SGCZ: variants seen among roughly 807,000 people sequenced by gnomAD.
SGCZ encodes the protein sarcoglycan zeta, also known as zeta-sarcoglycan.
A neutral mutation model predicts 41.3 loss-of-function variants in SGCZ; 40 were observed. That is an observed-to-expected ratio of 0.97 (90% CI 0.75 to 1.26). SGCZ has a LOEUF of 1.26. SGCZ is among the 50% of genes most tolerant of loss of function. The probability of loss-of-function intolerance (pLI) is 0.00; values close to 1 mark genes in which losing one functional copy is unlikely to be tolerated. For synonymous variants in SGCZ, 206 were observed against 137.5 expected (o/e 1.50, Z -3.49); for missense variants, 552 against 369.8 (o/e 1.49, Z -4.04).
rs987996267 is a variant in SGCZ, at chr8:15,171,332, G to A, written c.39+66253C>T. Among the ~76,000 whole-genome samples, 13 of 152,288 alleles carry A rather than the reference G, an allele frequency of 8.5e-5. No individual in the cohort carries two copies. In the East Asian group the frequency reaches 2.3e-3, roughly 27 times the overall value. On this transcript the variant is annotated intron_variant, in intron 1 of 7. Coordinates refer to ENST00000382080, the MANE Select transcript of SGCZ (RefSeq NM_139167.4). ...GAGTTACTCAACCCTAGAAAAAAGT[G>A]TCTCATGCTTGAGTAGCTGGAAACA...
At chr8:14,763,655 G>A (rs556396086) in intron 1 of SGCZ, among the ~76,000 whole-genome samples, 5 of 152,232 alleles carry the variant, frequency 3.3e-5, no homozygotes, top group East Asian at 1.9e-4. Flanking sequence ...TGAGCCCCTG[G>A]AGATATGATA....
chr8:14,544,447 C>T (rs1013330369), intron 2 of SGCZ, among the ~76,000 whole-genome samples: 7 of 151,982 alleles, frequency 4.6e-5, no homozygotes, highest in Non-Finnish European at 8.8e-5. Context: ...GAAAAACAGC[C>T]GTATTTTCCT....
chr8:14,132,108 G>A (rs1803059388), intron 5 of SGCZ, among the ~76,000 whole-genome samples: 1 of 151,932 alleles, frequency 6.6e-6, no homozygotes. Context: ...TGTCCCAGAG[G>A]TCCCTTAGCC....
At chr8:15,093,343 A>G (rs1319291313) in intron 1 of SGCZ, among the ~76,000 whole-genome samples, 1 of 152,220 alleles carries the variant, frequency 6.6e-6, no homozygotes, top group African/African-American at 2.4e-5. Flanking sequence ...TTCTAGCTCA[A>G]AACAGTACTA....
intron 1 of SGCZ, among the ~76,000 whole-genome samples, chr8:14,601,232 T>C (rs1031037136): frequency 5.9e-5 from 9 of 152,068 alleles, no homozygotes; most frequent in African/African-American, 2.2e-4. Context: ...TCATAATGTA[T>C]ACATTCAATA....
In SGCZ at chr8:14,465,395, T is replaced by G. The variant is rs1345869080; in HGVS notation, c.234+89337A>C. 1.3e-5 allele frequency among the ~76,000 whole-genome samples: 2 copies of G among 151,746 alleles called. 1 individual carries two copies. Among genetic ancestry groups the G allele is most frequent in the Non-Finnish European group, 3.0e-5 (2 of 67,726 alleles). On this transcript the variant is annotated intron_variant, in intron 2 of 7. Coordinates refer to ENST00000382080, the MANE Select transcript of SGCZ (RefSeq NM_139167.4). The stretch of plus-strand genomic sequence containing the variant: ...TTAACTATCCGTGGTATTATTTGCA[T>G]GGAATATTATTTTCCACCTTTCACT...
chr8:14,566,205 G>A (rs1041783505), intron 1 of SGCZ, among the ~76,000 whole-genome samples: 1 of 152,200 alleles, frequency 6.6e-6, no homozygotes, highest in African/African-American at 2.4e-5. Context: ...AGAGAAAGCA[G>A]TTGGACTAAT....
intron 1 of SGCZ, among the ~76,000 whole-genome samples, chr8:14,884,117 T>G (rs1804699137): frequency 6.6e-6 from 1 of 152,144 alleles, no homozygotes; most frequent in Non-Finnish European, 1.5e-5. Flanking sequence ...TTCAAAGACT[T>G]TGGAAAGAGA....
At chr8:14,807,788 A>G (rs568053964) in intron 1 of SGCZ, among the ~76,000 whole-genome samples, 15 of 152,314 alleles carry the variant, frequency 9.8e-5, no homozygotes, top group Admixed American at 1.3e-4. Context: ...TCCTAAGCCA[A>G]AAGAACAAAG....
intron 2 of SGCZ, among the ~76,000 whole-genome samples, chr8:14,385,622 A>G (rs7463769): frequency 0.5 from 75,816 of 151,796 alleles, 19,832 homozygotes; most frequent in African/African-American, 0.66. Context: ...ATAATAGTCC[A>G]TGGGGTCTTG....
At chr8:14,240,327 C>CA (rs59351247) in intron 3 of SGCZ, among the ~76,000 whole-genome samples, 50 of 115,226 alleles carry the variant, frequency 4.3e-4, no homozygotes, top group African/African-American at 8.1e-4. Flanking sequence ...AACTCTGTGT[C>CA]AAAAAAAAAA....
intron 1 of SGCZ, among the ~76,000 whole-genome samples, chr8:14,890,251 AAAGGAAAAGGAAGGAAAGG>A (rs1804963702): frequency 6.6e-6 from 1 of 151,910 alleles, no homozygotes; most frequent in Non-Finnish European, 1.5e-5. Context: ...AGAAAGAGAG[AAAGGAAAAGGAAGGAAAGG>A]AAGGAAAGAA....
At chr8:14,678,644 A>G (rs2117532801) in intron 1 of SGCZ, among the ~76,000 whole-genome samples, 1 of 152,376 alleles carries the variant, frequency 6.6e-6, no homozygotes, top group Non-Finnish European at 1.5e-5. Context: ...CTACAAAACT[A>G]TATAAATGCT....
chr8:14,315,998 T>C (rs1801703534), intron 3 of SGCZ, among the ~76,000 whole-genome samples: 1 of 151,934 alleles, frequency 6.6e-6, no homozygotes. Context: ...CGAGTTCTGT[T>C]GATTTAGAAT....
intron 1 of SGCZ, among the ~76,000 whole-genome samples, chr8:15,094,519 TG>T (rs1806265397): frequency 6.6e-6 from 1 of 152,138 alleles, no homozygotes; most frequent in African/African-American, 2.4e-5. Flanking sequence ...ATTCATGTGA[TG>T]AGAGCAGAAA....
intron 2 of SGCZ, among the ~76,000 whole-genome samples, chr8:14,337,203 G>T (rs1802535007): frequency 6.6e-6 from 1 of 152,104 alleles, no homozygotes; most frequent in African/African-American, 2.4e-5. Context: ...CCACAAAAAA[G>T]TCTGCAATTG....
At chr8:15,086,746 AT>A (rs1260483822) in intron 1 of SGCZ, among the ~76,000 whole-genome samples, 3 of 152,068 alleles carry the variant, frequency 2.0e-5, no homozygotes, top group Non-Finnish European at 4.4e-5. Context: ...GACCTGGAAT[AT>A]TTTCAAATAT....
chr8:14,947,800 G>T (rs1274668169), intron 1 of SGCZ, among the ~76,000 whole-genome samples: 1 of 152,166 alleles, frequency 6.6e-6, no homozygotes, highest in African/African-American at 2.4e-5. Flanking sequence ...AACTTTGACT[G>T]CAAGCACAGC....
At chr8:14,848,054 A>G (rs1240500110) in intron 1 of SGCZ, among the ~76,000 whole-genome samples, 2 of 152,162 alleles carry the variant, frequency 1.3e-5, no homozygotes, top group African/African-American at 4.8e-5. Context: ...AAGTTAAAAT[A>G]TCAATATTAA....
Sources: gnomAD v4.1 joint callset for allele counts (sites outside exome capture counted in the v4.1 genomes callset) on GRCh38, gnomAD v4.1.1 for gene constraint, MANE v1.5 for transcripts, NCBI Gene and HGNC (gene_info 2026-07-23, HGNC 2026-07-21) for gene names.